Variants in MEIS1 observed in about 807,000 individuals in gnomAD.
The protein encoded by MEIS1 is Meis homeobox 1.
In MEIS1, 5 loss-of-function variants were observed where a neutral mutation model predicts 50.8. The observed-to-expected ratio is 0.10, with a 90% confidence interval of 0.05 to 0.21. The LOEUF (loss-of-function observed/expected upper bound fraction) is 0.21. MEIS1 is among the 10% of genes least tolerant of loss of function. The pLI, the probability that MEIS1 is intolerant of heterozygous loss-of-function variation, is 1.00. For missense variants in MEIS1, 318 were observed against 517.3 expected (o/e 0.61, Z 3.74); for synonymous variants, 176 against 179.3 (o/e 0.98, Z 0.15).
intron 8 of MEIS1, among the ~76,000 whole-genome samples, chr2:66,542,783 G>A (rs1674686770): frequency 6.6e-6 from 1 of 152,162 alleles, no homozygotes; most frequent in South Asian, 2.1e-4. Flanking sequence ...GGGAGGGGAT[G>A]TTATTGAAAC....
intron 9 of MEIS1, among the ~76,000 whole-genome samples, chr2:66,557,990 G>A (rs1313777909): frequency 6.6e-6 from 1 of 152,134 alleles, no homozygotes; most frequent in African/African-American, 2.4e-5. Flanking sequence ...TCAAAGAAAA[G>A]GAAAGTTGGC....
chr2:66,520,079 A>G (rs906324964), intron 8 of MEIS1, among the ~76,000 whole-genome samples: 1 of 152,088 alleles, frequency 6.6e-6, no homozygotes, highest in African/African-American at 2.4e-5. Context: ...ACCAGCAGGT[A>G]TAGTTTTTTT....
intron 7 of MEIS1, among the ~76,000 whole-genome samples, chr2:66,504,230 T>G (rs1673632686): frequency 6.6e-6 from 1 of 151,636 alleles, no homozygotes; most frequent in Admixed American, 6.6e-5. Flanking sequence ...GGTTAACAAT[T>G]AACAATTTCT....
intron 6 of MEIS1, among the ~76,000 whole-genome samples, chr2:66,460,270 A>G (rs1558526554): frequency 6.6e-6 from 1 of 152,154 alleles, no homozygotes; most frequent in East Asian, 1.9e-4. Context: ...GAGAAGATTA[A>G]GATACCATTC....
At chr2:66,510,381 T>C (rs981017582) in intron 7 of MEIS1, among the ~76,000 whole-genome samples, 4 of 152,186 alleles carry the variant, frequency 2.6e-5, no homozygotes, top group Admixed American at 2.0e-4. Context: ...CCAGGGTACA[T>C]GACCTTGGCC....
At chr2:66,479,958 T>C (rs1162093167) in intron 7 of MEIS1, among the ~76,000 whole-genome samples, 2 of 152,154 alleles carry the variant, frequency 1.3e-5, no homozygotes, top group Non-Finnish European at 2.9e-5. Context: ...TAAAATGTTG[T>C]TTTGATGCAT....
chr2:66,555,351 G>A (rs754540575), intron 9 of MEIS1, among the ~76,000 whole-genome samples: 7 of 133,338 alleles, frequency 5.2e-5, no homozygotes, highest in Admixed American at 1.8e-4. Flanking sequence ...TGGAAGAACC[G>A]TATTACATTC....
chr2:66,558,292 AAAAAAAAAAAAAGAAAAAAAGAAAAG>A (rs1675123998), intron 9 of MEIS1, among the ~76,000 whole-genome samples: 1 of 150,158 alleles, frequency 6.7e-6, no homozygotes, highest in Non-Finnish European at 1.5e-5. Flanking sequence ...AAAAAAAAAA[AAAAAAAAAAAAAGAAAAAAAGAAAAG>A]AAAAAGAAAA....
chr2:66,522,753 G>A (rs1278279564), intron 8 of MEIS1, among the ~76,000 whole-genome samples: 2 of 152,140 alleles, frequency 1.3e-5, no homozygotes, highest in South Asian at 2.1e-4. Flanking sequence ...GGAAGAGGGA[G>A]GGGGAGAAAA....
intron 9 of MEIS1, among the ~76,000 whole-genome samples, chr2:66,559,738 A>C (rs1038628082): frequency 3.9e-5 from 6 of 152,150 alleles, no homozygotes; most frequent in African/African-American, 1.4e-4. Context: ...TTAGCTCCAT[A>C]AGGTTATACA....
chr2:66,528,546 C>T (rs1325815388), intron 8 of MEIS1, among the ~76,000 whole-genome samples: 2 of 151,830 alleles, frequency 1.3e-5, no homozygotes, highest in African/African-American at 4.8e-5. Context: ...TGGAAGGTTC[C>T]TCTCCTTCCC....
At chr2:66,565,232 T>A (rs938888596) in intron 9 of MEIS1, among the ~76,000 whole-genome samples, 6 of 152,184 alleles carry the variant, frequency 3.9e-5, no homozygotes, top group African/African-American at 1.4e-4. Context: ...AATATGTGAA[T>A]ATGATGGAGA....
chr2:66,453,082 T>C (rs535011081), intron 6 of MEIS1, among the ~76,000 whole-genome samples: 1 of 152,080 alleles, frequency 6.6e-6, no homozygotes, highest in African/African-American at 2.4e-5. Flanking sequence ...CCATTTCAAT[T>C]AGGTGCATTG....
intron 2 of MEIS1, chr2:66,439,443 T>C: frequency 7.4e-7 from 1 of 1,353,064 alleles, no homozygotes; most frequent in Non-Finnish European, 9.5e-7. Flanking sequence ...GAACCAGCCC[T>C]CCCCAACTCT....
chr2:66,554,446 G>T (rs898617723), intron 9 of MEIS1, among the ~76,000 whole-genome samples: 4 of 152,208 alleles, frequency 2.6e-5, no homozygotes, highest in African/African-American at 9.6e-5. Context: ...AGGTGTCACG[G>T]TCAAGGGGGA....
intron 6 of MEIS1, among the ~76,000 whole-genome samples, chr2:66,449,209 C>T (rs1269722399): frequency 6.6e-6 from 1 of 152,056 alleles, no homozygotes; most frequent in Non-Finnish European, 1.5e-5. Flanking sequence ...TGCTCTAAAT[C>T]CCGTTGGGCT....
intron 7 of MEIS1, among the ~76,000 whole-genome samples, chr2:66,496,566 G>T (rs188360138): frequency 3.0e-4 from 46 of 152,260 alleles, no homozygotes; most frequent in African/African-American, 1.0e-3. Context: ...AAAACCATTT[G>T]CGTGATGCTG....
At chr2:66,482,569 A>G (rs1238009916) in intron 7 of MEIS1, among the ~76,000 whole-genome samples, 2 of 152,218 alleles carry the variant, frequency 1.3e-5, no homozygotes, top group African/African-American at 2.4e-5. Flanking sequence ...CATATGAGGA[A>G]GGATCTTTAG....
At chr2:66,510,913 A>G (rs1298750779) in intron 7 of MEIS1, among the ~76,000 whole-genome samples, 1 of 152,188 alleles carries the variant, frequency 6.6e-6, no homozygotes, top group Non-Finnish European at 1.5e-5. Context: ...ACCTGAGGCT[A>G]TGTGCAGGAA....
Sources: gnomAD v4.1 joint callset for allele counts (sites outside exome capture counted in the v4.1 genomes callset) on GRCh38, gnomAD v4.1.1 for gene constraint, MANE v1.5 for transcripts, NCBI Gene and HGNC (gene_info 2026-07-23, HGNC 2026-07-21) for gene names.